PLCH1: variants seen among roughly 807,000 people sequenced by gnomAD.
The protein encoded by PLCH1 is phospholipase C eta 1, also known as 1-phosphatidylinositol 4,5-bisphosphate phosphodiesterase eta-1.
Under a neutral mutation model 126.7 loss-of-function variants are expected in PLCH1, and 60 were observed. The ratio of observed to expected loss-of-function variants is 0.47; its 90% CI spans 0.38 to 0.59. PLCH1 has a LOEUF of 0.59. Among genes scored for constraint, PLCH1 ranks in the 20% least tolerant of loss-of-function variants. PLCH1 has a pLI of 0.00. For synonymous variants in PLCH1, 719 were observed against 734.9 expected (o/e 0.98, Z 0.35); for missense variants, 1,723 against 2,040.0 (o/e 0.84, Z 2.99).
chr3:155,625,192 G>T (rs1243581966), intron 2 of PLCH1, among the ~76,000 whole-genome samples: 2 of 152,200 alleles, frequency 1.3e-5, no homozygotes, highest in African/African-American at 4.8e-5. Context: ...CTAGCCATAA[G>T]CAGAATGCTG....
At chr3:155,698,365 G>T (rs1003563765) in intron 2 of PLCH1, among the ~76,000 whole-genome samples, 1 of 152,114 alleles carries the variant, frequency 6.6e-6, no homozygotes, top group African/African-American at 2.4e-5. Context: ...TTCCCAAAAG[G>T]TCATAGAACA....
Position 155,483,416 on chromosome 3 carries a change from T to A in PLCH1, c.2975-365A>T, listed in dbSNP as rs536779481. ...GGCAATAGAAACAGAACAAGACAGC[T>A]CTGTTAAACAAAGCATTGTGGTACC... On this transcript the variant is annotated intron_variant, in intron 22 of 22. Coordinates refer to ENST00000460012, the MANE Select transcript of PLCH1 (RefSeq NM_014996.4). 2.8e-5 allele frequency: 41 copies of A among 1,472,078 alleles called. 3 individuals carry two copies. The Admixed American group carries it at 7.7e-4, about 28-fold the overall frequency. 91.2% of individuals were successfully genotyped at this position (1,472,078 alleles called of 1,614,324 possible).
chr3:155,716,316 G>C (rs1747501446), intron 1 of PLCH1, among the ~76,000 whole-genome samples: 1 of 151,084 alleles, frequency 6.6e-6, no homozygotes, highest in Non-Finnish European at 1.5e-5. Flanking sequence ...GTATTCTGAA[G>C]TTAGGAGGTG....
chr3:155,717,975 C>T (rs1279521926), intron 1 of PLCH1, among the ~76,000 whole-genome samples: 1 of 152,174 alleles, frequency 6.6e-6, no homozygotes, highest in African/African-American at 2.4e-5. Flanking sequence ...TAAATTCCAA[C>T]TTTAAGTCAT....
intron 7 of PLCH1, among the ~76,000 whole-genome samples, chr3:155,567,529 A>T (rs1261831673): frequency 2.0e-5 from 3 of 152,212 alleles, no homozygotes; most frequent in Non-Finnish European, 4.4e-5. Flanking sequence ...ATGGCTTTGC[A>T]TGCTCTTATA....
intron 12 of PLCH1, among the ~76,000 whole-genome samples, chr3:155,505,136 CA>C (rs1331263139): frequency 6.6e-6 from 1 of 151,988 alleles, no homozygotes; most frequent in Middle Eastern, 3.2e-3. Flanking sequence ...AAATAAAATC[CA>C]AGGATATCTA....
chr3:155,577,320 A>G (rs998334453), intron 6 of PLCH1, among the ~76,000 whole-genome samples: 1 of 152,036 alleles, frequency 6.6e-6, no homozygotes, highest in Non-Finnish European at 1.5e-5. Context: ...GAACATTTTC[A>G]TAGGTTTATT....
rs113858945 is a variant in PLCH1 at position 155,462,919 on chromosome 3, G to C, written c.2938+22437C>G. ...CACAACCTGGAAATACAGGAAGTGAGTGCCTTTTAGGGTAGACTTCACCAC... is the reference window on the plus strand; with the variant it reads ...CACAACCTGGAAATACAGGAAGTGACTGCCTTTTAGGGTAGACTTCACCAC... On this transcript the variant is annotated intron_variant, in intron 21 of 21. Coordinates refer to the PLCH1 transcript ENST00000494598. Among the ~76,000 whole-genome samples the C allele has an allele frequency of 6.1e-4, 93 of 152,352 alleles. 1 individual carries two copies. Among genetic ancestry groups the C allele is most frequent in the African/African-American group, 2.2e-3 (90 of 41,582 alleles).
At chr3:155,512,740 G>C (rs111429547) in intron 12 of PLCH1, among the ~76,000 whole-genome samples, 78 of 152,272 alleles carry the variant, frequency 5.1e-4, no homozygotes, top group African/African-American at 1.8e-3. Flanking sequence ...AGGATCTTAT[G>C]GGCTATTATC....
chr3:155,541,637 A>C (rs1483907433), intron 10 of PLCH1, among the ~76,000 whole-genome samples: 2 of 152,202 alleles, frequency 1.3e-5, no homozygotes, highest in Admixed American at 6.5e-5. Flanking sequence ...CAATTGCAAT[A>C]GTAGCATTAA....
chr3:155,731,871 T>A (rs755166141), intron 1 of PLCH1, among the ~76,000 whole-genome samples: 41 of 151,596 alleles, frequency 2.7e-4, no homozygotes, highest in South Asian at 4.2e-4. Flanking sequence ...TAGTCCCAGC[T>A]ACTTCGAGGG....
chr3:155,470,910 A>G (rs1289272442), intron 21 of PLCH1, among the ~76,000 whole-genome samples: 1 of 152,190 alleles, frequency 6.6e-6, no homozygotes, highest in Non-Finnish European at 1.5e-5. Flanking sequence ...CTGCCCTAAA[A>G]GAGCTCCTGA....
intron 4 of PLCH1, among the ~76,000 whole-genome samples, chr3:155,589,047 A>G (rs568761644): frequency 1.3e-5 from 2 of 152,326 alleles, no homozygotes; most frequent in South Asian, 4.1e-4. Context: ...TAGCCACACC[A>G]TAATAATTTT....
chr3:155,632,854 A>T (rs1341314867), intron 2 of PLCH1, among the ~76,000 whole-genome samples: 1 of 152,198 alleles, frequency 6.6e-6, no homozygotes, highest in East Asian at 1.9e-4. Flanking sequence ...TAAAAAGCTC[A>T]TTTCCAACTT....
At chr3:155,692,550 T>C (rs1237659226) in intron 2 of PLCH1, among the ~76,000 whole-genome samples, 1 of 137,826 alleles carries the variant, frequency 7.3e-6, no homozygotes, top group Admixed American at 7.5e-5. Context: ...CCAACCATCA[T>C]TGTTTTTGTT....
chr3:155,469,569 C>A (rs1438009124), intron 21 of PLCH1, among the ~76,000 whole-genome samples: 1 of 152,220 alleles, frequency 6.6e-6, no homozygotes. Flanking sequence ...TGGGTGGAGC[C>A]CACCACAGCT....
intron 2 of PLCH1, among the ~76,000 whole-genome samples, chr3:155,601,206 T>C (rs1175518879): frequency 6.6e-6 from 1 of 152,198 alleles, no homozygotes; most frequent in Non-Finnish European, 1.5e-5. Context: ...CTTGACCTCC[T>C]GACCTCGTGA....
In PLCH1 at chr3:155,733,573, T is replaced by A. The variant is rs1324342628; in HGVS notation, c.-41+11267A>T. Among the ~76,000 whole-genome samples, 6 of 152,136 alleles carry A rather than the reference T, an allele frequency of 3.9e-5. No individual in the cohort carries two copies. The East Asian group carries it at 1.2e-3, about 29-fold the overall frequency. On this transcript the variant is annotated intron_variant, in intron 1 of 22. Transcript: ENST00000460012. ...TACCACATACAAAATCAACTCAAAATAGATTAAAGATTTAAATGTAAAACT... is the reference window on the plus strand; with the variant it reads ...TACCACATACAAAATCAACTCAAAAAAGATTAAAGATTTAAATGTAAAACT...
chr3:155,631,550 T>G (rs1282906086), intron 2 of PLCH1, among the ~76,000 whole-genome samples: 1 of 152,218 alleles, frequency 6.6e-6, no homozygotes, highest in Non-Finnish European at 1.5e-5. Context: ...TGAAGGATTG[T>G]TCACAGAGGA....
Sources: gnomAD v4.1 joint callset for allele counts (sites outside exome capture counted in the v4.1 genomes callset) on GRCh38, gnomAD v4.1.1 for gene constraint, MANE v1.5 for transcripts, NCBI Gene and HGNC (gene_info 2026-07-23, HGNC 2026-07-21) for gene names.